The following HMGN5 variants were observed in gnomAD, a reference collection of about 807,000 sequenced individuals.
The protein encoded by HMGN5 is high mobility group nucleosome binding domain 5.
Under a neutral mutation model 9.5 loss-of-function variants are expected in HMGN5, and 4 were observed. That is an observed-to-expected ratio of 0.42 (90% CI 0.21 to 0.96). The LOEUF (loss-of-function observed/expected upper bound fraction) is 0.96, where lower values mean the gene tolerates loss of function less well. HMGN5 is among the 40% of genes least tolerant of loss of function. The probability of loss-of-function intolerance (pLI) is 0.30; values close to 1 mark genes in which losing one functional copy is unlikely to be tolerated. For missense variants in HMGN5, 192 were observed against 187.5 expected (o/e 1.02, Z -0.14); for synonymous variants, 55 against 57.1 (o/e 0.96, Z 0.16).
At chrX:81,198,888 C>T (rs1224017317) in intron 1 of HMGN5, among the ~76,000 whole-genome samples, 1 of 111,476 alleles carries the variant, frequency 9.0e-6, no homozygotes, top group Non-Finnish European at 1.9e-5. Flanking sequence ...GGCAATCAGG[C>T]AAGAGAAAGA....
At chrX:81,191,796 C>T (rs959104055) in intron 1 of HMGN5, among the ~76,000 whole-genome samples, 4 of 112,026 alleles carry the variant, frequency 3.6e-5, no homozygotes, top group African/African-American at 1.3e-4. Flanking sequence ...GCATCCATGG[C>T]TCTCAGACAT....
chrX:81,199,790 G>A (rs926223388), intron 1 of HMGN5, among the ~76,000 whole-genome samples: 1 of 112,022 alleles, frequency 8.9e-6, no homozygotes, highest in South Asian at 3.7e-4. Context: ...AGAAGACCTA[G>A]GCAATGCCAT....
chrX:81,183,297 T>A (rs950175972), intron 1 of HMGN5, among the ~76,000 whole-genome samples: 1 of 110,918 alleles, frequency 9.0e-6, no homozygotes, highest in Non-Finnish European at 1.9e-5. Flanking sequence ...AAAAAAAAAA[T>A]GCCTTGAAAG....
intron 6 of HMGN5, 39 bp downstream of exon 6, chrX:81,116,165 A>C (rs1184597417): frequency 9.3e-7 from 1 of 1,069,682 alleles, no homozygotes; most frequent in East Asian, 3.0e-5. Context: ...CCCATTGTTA[A>C]ACTTTCAAAT....
At chrX:81,178,716 C>G (rs1009956097) in intron 1 of HMGN5, among the ~76,000 whole-genome samples, 2 of 111,681 alleles carry the variant, frequency 1.8e-5, no homozygotes, top group African/African-American at 6.5e-5. Context: ...CCAACATCAT[C>G]TTGATACCAA....
intron 1 of HMGN5, among the ~76,000 whole-genome samples, chrX:81,152,421 A>T (rs1228054275): frequency 1.8e-5 from 2 of 111,178 alleles, no homozygotes; most frequent in Non-Finnish European, 3.8e-5. Context: ...CCATCAGAGA[A>T]ATGCAAATCA....
chrX:81,115,251 AAAAC>A, intron 6 of HMGN5, 21 bp from the exon 7 acceptor site: 1 of 1,129,964 alleles, frequency 8.8e-7, no homozygotes, highest in Non-Finnish European at 1.2e-6. Context: ...AGTGAAAAGA[AAAAC>A]AAGATTCTGT....
intron 1 of HMGN5, among the ~76,000 whole-genome samples, chrX:81,158,852 C>A (rs1490151892): frequency 9.0e-6 from 1 of 111,161 alleles, no homozygotes; most frequent in Non-Finnish European, 1.9e-5. Context: ...TAATGTGTAG[C>A]TAGCATTTGG....
At chrX:81,131,485 T>C (rs1016706847) in intron 1 of HMGN5, among the ~76,000 whole-genome samples, 3 of 111,125 alleles carry the variant, frequency 2.7e-5, no homozygotes, top group Non-Finnish European at 5.7e-5. Context: ...ATAGAAAATA[T>C]GACCTTGCAG....
At chrX:81,196,071 G>A (rs1182147795) in intron 1 of HMGN5, among the ~76,000 whole-genome samples, 1 of 111,102 alleles carries the variant, frequency 9.0e-6, no homozygotes, top group African/African-American at 3.3e-5. Context: ...ATAACACTCT[G>A]TTACTTAACC....
intron 1 of HMGN5, among the ~76,000 whole-genome samples, chrX:81,197,098 G>A (rs943839993): frequency 1.8e-5 from 2 of 112,093 alleles, no homozygotes; most frequent in Non-Finnish European, 3.8e-5. Context: ...ACATAAAAAT[G>A]CAAATGTACT....
chrX:81,130,172 A>C (rs1404541793), intron 1 of HMGN5, among the ~76,000 whole-genome samples: 1 of 111,151 alleles, frequency 9.0e-6, no homozygotes, highest in Non-Finnish European at 1.9e-5. Context: ...AATGATCATA[A>C]TGCTATCATG....
chrX:81,141,535 G>A lies in HMGN5; in HGVS notation c.-123-19863C>T, dbSNP rs186437841. The stretch of plus-strand genomic sequence containing the variant: ...CTACTTTTGTTTAGGAGAAAGTAAG[G>A]GAAGAAAACAAGTGTCTCTGCCTGG... On this transcript the variant is annotated intron_variant, in intron 1 of 6. Transcript: ENST00000358130. Among the ~76,000 whole-genome samples the A allele has an allele frequency of 2.1e-4, 23 of 110,277 alleles. No homozygotes were observed. The South Asian group carries it at 7.5e-3, about 36-fold the overall frequency.
intron 1 of HMGN5, among the ~76,000 whole-genome samples, chrX:81,158,423 G>C (rs1200541094): frequency 2.7e-5 from 3 of 112,426 alleles, no homozygotes; most frequent in African/African-American, 9.7e-5. Flanking sequence ...GATGATCAGT[G>C]ATGTTGAGCT....
At chrX:81,198,538 T>C (rs1185711087) in intron 1 of HMGN5, among the ~76,000 whole-genome samples, 2 of 111,705 alleles carry the variant, frequency 1.8e-5, no homozygotes, top group East Asian at 5.6e-4. Flanking sequence ...CACGATCAAG[T>C]TGGCTTCATC....
rs1292277960 is a variant in HMGN5, at chrX:81,141,492, A to AAG, written c.-123-19822_-123-19821dup. ...AGAGAGAGAGAGAGAGAGAGAGAGA[A>AAG]AGAGAGAGAGAGAGAGACTACTTTT... is the stretch of plus-strand genomic sequence containing the variant. On this transcript the variant is annotated intron_variant, in intron 1 of 6. Coordinates refer to ENST00000358130, the MANE Select transcript of HMGN5 (RefSeq NM_030763.3). Among the ~76,000 whole-genome samples the AAG allele has an allele frequency of 3.5e-3, 168 of 47,788 alleles. 2 individuals carry two copies. The highest frequency in any genetic ancestry group is 0.01 in the African/African-American group (160 of 15,968). 41.5% of individuals were successfully genotyped at this position (47,788 alleles called of 115,157 possible). A position where few individuals can be genotyped will look rare whatever the true frequency, so the allele number is the denominator to read the frequency against.
At chrX:81,163,965 T>C (rs1029103990) in intron 1 of HMGN5, among the ~76,000 whole-genome samples, 3 of 111,639 alleles carry the variant, frequency 2.7e-5, no homozygotes, top group Non-Finnish European at 5.7e-5. Context: ...ATTTTACAAG[T>C]GTCCTTGGAG....
At chrX:81,198,129 T>C (rs772783904) in intron 1 of HMGN5, among the ~76,000 whole-genome samples, 16 of 111,111 alleles carry the variant, frequency 1.4e-4, no homozygotes, top group Non-Finnish European at 3.0e-4. Context: ...GGAAGTTAGT[T>C]TGGGGGAGCA....
rs191344426 is a variant in HMGN5 at position 81,118,706 on chromosome X, C to T, written c.75+24G>A. 149 of 1,175,455 alleles carry T rather than the reference C, an allele frequency of 1.3e-4. 1 individual carries two copies. In the East Asian group the frequency reaches 3.6e-3, roughly 28 times the overall value. On this transcript the variant is annotated intron_variant, in intron 4 of 6. Transcript: ENST00000358130. ...AAAATGACGTTTCACAATACATGGG[C>T]TGCTTTTTGAAAAGATTACTTACAG...
Sources: allele counts gnomAD v4.1 joint callset (sites outside exome capture counted in the v4.1 genomes callset), GRCh38; gene constraint gnomAD v4.1.1; transcripts MANE v1.5; gene names NCBI Gene and HGNC (gene_info 2026-07-23, HGNC 2026-07-21).